Variants in PTGER3 observed in about 807,000 individuals in gnomAD.
PTGER3 encodes prostaglandin E2 receptor EP3 subtype.
A neutral mutation model predicts 34.7 loss-of-function variants in PTGER3; 22 were observed. The ratio of observed to expected loss-of-function variants is 0.63; its 90% CI spans 0.45 to 0.91. The LOEUF is 0.91. Among genes scored for constraint, PTGER3 ranks in the 40% least tolerant of loss-of-function variants. PTGER3 has a pLI of 0.00. For synonymous variants in PTGER3, 241 were observed against 230.1 expected (o/e 1.05, Z -0.43); for missense variants, 468 against 519.4 (o/e 0.90, Z 0.96).
At chr1:70,852,359 G>A (rs1645700356) in exon 5 of PTGER3, 1 of 162,834 alleles carries the variant, frequency 6.1e-6, no homozygotes, top group East Asian at 1.9e-4. Flanking sequence ...AGGCAAACAT[G>A]TATGAATGTA....
chr1:71,037,931 GA>G (rs1217562999), intron 1 of PTGER3, among the ~76,000 whole-genome samples: 1 of 152,218 alleles, frequency 6.6e-6, no homozygotes, highest in Non-Finnish European at 1.5e-5. Context: ...GCTGGCTGTT[GA>G]GGCATTCTTC....
At position 71,021,929 on chromosome 1, in the gene PTGER3, C is replaced by A. The variant is rs956945482; in HGVS notation, c.898-9445G>T. Among the ~76,000 whole-genome samples, 3 of 151,822 alleles carry A rather than the reference C, an allele frequency of 2.0e-5. No individual in the cohort carries two copies. The South Asian group carries it at 6.2e-4, about 31-fold the overall frequency. ...AAATCATGCTGTTGAATATTAGTAACATGAAGAATATTTAGTAACATGAAG... is the reference window on the plus strand; with the variant it reads ...AAATCATGCTGTTGAATATTAGTAAAATGAAGAATATTTAGTAACATGAAG... On this transcript the variant is annotated intron_variant, in intron 1 of 3. Coordinates refer to ENST00000306666, the MANE Select transcript of PTGER3 (RefSeq NM_198719.2).
At chr1:70,963,003 T>C (rs934080513) in intron 2 of PTGER3, among the ~76,000 whole-genome samples, 1 of 152,182 alleles carries the variant, frequency 6.6e-6, no homozygotes, top group African/African-American at 2.4e-5. Flanking sequence ...AGGCATTTGG[T>C]AAATACAGCT....
intron 2 of PTGER3, among the ~76,000 whole-genome samples, chr1:71,004,658 C>T (rs1368262307): frequency 1.3e-5 from 2 of 152,144 alleles, no homozygotes; most frequent in Non-Finnish European, 2.9e-5. Context: ...CAAAGACTCA[C>T]TTTAGGTATC....
At position 71,047,341 on chromosome 1, in the gene PTGER3, G is replaced by A. The variant is rs1660939360; in HGVS notation, c.237C>T (p.Arg79=). The A allele has an allele frequency of 6.2e-7, 1 of 1,608,056 alleles. No individual in the cohort carries two copies. The highest frequency in any genetic ancestry group is 8.5e-7 in the Non-Finnish European group (1 of 1,178,000). The change falls in exon 1 of 4, where the codon CGC becomes CGT. Residue 79 remains arginine, a synonymous_variant. Transcript: ENST00000306666. The part of the protein sequence containing the change: ...AMLLVSRSYR[R]RESKRKKSFL... ...AGGACTTCTTGCGCTTGCTCTCCCG[G>A]CGCCGGTAGCTGCGCGACACGAGCA...
chr1:70,931,831 C>T (rs576533756), intron 4 of PTGER3, among the ~76,000 whole-genome samples: 1 of 152,264 alleles, frequency 6.6e-6, no homozygotes, highest in East Asian at 1.9e-4. Context: ...TATGACATGC[C>T]CTGGGTACAT....
intron 4 of PTGER3, among the ~76,000 whole-genome samples, chr1:70,941,937 A>G (rs546637322): frequency 6.6e-6 from 1 of 152,244 alleles, no homozygotes; most frequent in African/African-American, 2.4e-5. Context: ...AAATCCTCAA[A>G]TTTATAAGAA....
intron 3 of PTGER3, chr1:70,953,202 G>A (rs936570473): frequency 4.2e-6 from 3 of 714,378 alleles, no homozygotes; most frequent in Non-Finnish European, 6.1e-6. Flanking sequence ...AAATAATCCA[G>A]AGATTATTTA....
intron 2 of PTGER3, among the ~76,000 whole-genome samples, chr1:70,987,641 G>C (rs539188785): frequency 1.2e-4 from 19 of 152,224 alleles, no homozygotes; most frequent in Admixed American, 3.3e-4. Context: ...CACTGTCAGG[G>C]GCAAAACACT....
chr1:70,910,660 T>TA (rs1169688862), intron 4 of PTGER3, among the ~76,000 whole-genome samples: 3 of 152,160 alleles, frequency 2.0e-5, no homozygotes, highest in Non-Finnish European at 2.9e-5. Flanking sequence ...AACTTTATGT[T>TA]AAAAAATTAT....
At chr1:70,942,469 T>A (rs1335842969) in intron 4 of PTGER3, among the ~76,000 whole-genome samples, 2 of 152,212 alleles carry the variant, frequency 1.3e-5, no homozygotes, top group Non-Finnish European at 2.9e-5. Context: ...ATTTGCATCC[T>A]AAGCTCCAGC....
chr1:71,027,315 G>A (rs1165315461), intron 1 of PTGER3, among the ~76,000 whole-genome samples: 2 of 151,978 alleles, frequency 1.3e-5, no homozygotes, highest in Admixed American at 6.6e-5. Flanking sequence ...CCACCATGCC[G>A]GGTTAATTTT....
intron 2 of PTGER3, chr1:70,998,268 T>C (rs557255948): frequency 4.7e-4 from 71 of 152,354 alleles, no homozygotes; most frequent in African/African-American, 1.6e-3. Context: ...GAATTTTTCT[T>C]TGGTCCTCGT....
At chr1:70,916,726 C>A (rs895798395) in intron 4 of PTGER3, among the ~76,000 whole-genome samples, 2 of 151,690 alleles carry the variant, frequency 1.3e-5, no homozygotes, top group African/African-American at 4.8e-5. Context: ...GACAACTGGG[C>A]GTGGGGGAGG....
At chr1:70,885,586 C>A (rs1318261227) in intron 4 of PTGER3, among the ~76,000 whole-genome samples, 2 of 152,114 alleles carry the variant, frequency 1.3e-5, no homozygotes, top group African/African-American at 4.8e-5. Context: ...TTAAAAACTT[C>A]ATGGAACAAG....
chr1:70,862,997 G>C (rs969800994), intron 4 of PTGER3, among the ~76,000 whole-genome samples: 10 of 152,102 alleles, frequency 6.6e-5, no homozygotes, highest in Non-Finnish European at 1.3e-4. Context: ...GAGGTCAACA[G>C]ATCGGAGACA....
At chr1:70,972,915 T>A (rs1045264400) in intron 3 of PTGER3, among the ~76,000 whole-genome samples, 2 of 152,130 alleles carry the variant, frequency 1.3e-5, no homozygotes, top group Non-Finnish European at 2.9e-5. Flanking sequence ...TCTTTCTAAT[T>A]TTCATCATTT....
chr1:70,877,751 G>A (rs113375425), intron 4 of PTGER3, among the ~76,000 whole-genome samples: 189 of 152,090 alleles, frequency 1.2e-3, no homozygotes, highest in Middle Eastern at 3.4e-3. Flanking sequence ...GGTAAATCAC[G>A]TTTTAATTTG....
chr1:70,886,285 C>G lies in PTGER3; in HGVS notation c.*24-33426G>C, dbSNP rs763927620. 38 of 451,358 alleles carry G rather than the reference C, an allele frequency of 8.4e-5. No homozygotes were observed. In the Middle Eastern group the frequency reaches 9.8e-4, roughly 12 times the overall value. 28.0% of individuals were successfully genotyped at this position (451,358 alleles called of 1,614,324 possible). ...CAAAAAGAGGGCACTCACCAGACAC[C>G]GAATCTGCTGGCACCCTGATCCTGA... is the stretch of plus-strand genomic sequence containing the variant. On this transcript the variant is annotated intron_variant, in intron 4 of 4. Transcript: ENST00000370931.
Sources: allele counts gnomAD v4.1 joint callset (sites outside exome capture counted in the v4.1 genomes callset), GRCh38; gene constraint gnomAD v4.1.1; transcripts MANE v1.5; gene names NCBI Gene and HGNC (gene_info 2026-07-23, HGNC 2026-07-21).